STARD13: variants seen among roughly 807,000 people sequenced by gnomAD.
STARD13 encodes stAR-related lipid transfer protein 13.
A neutral mutation model predicts 106.4 loss-of-function variants in STARD13; 62 were observed. That is an observed-to-expected ratio of 0.58 (90% CI 0.48 to 0.72). STARD13 has a LOEUF of 0.72. Among genes scored for constraint, STARD13 ranks in the 30% least tolerant of loss-of-function variants. The pLI is 0.00. For synonymous variants in STARD13, 565 were observed against 553.0 expected, an observed-to-expected ratio of 1.02 and a Z score of -0.31; for missense variants, 1,387 against 1,424.0, an observed-to-expected ratio of 0.97 and a Z score of 0.42.
intron 1 of STARD13, among the ~76,000 whole-genome samples, chr13:33,332,673 C>T (rs2077850133): frequency 6.6e-6 from 1 of 152,220 alleles, no homozygotes; most frequent in Non-Finnish European, 1.5e-5. Context: ...GCCCACACCA[C>T]CTGAGACACC....
the STARD13 span, among the ~76,000 whole-genome samples, chr13:33,589,673 A>T: frequency 1.3e-5 from 2 of 152,294 alleles, no homozygotes; most frequent in East Asian, 1.9e-4. Flanking sequence ...CCAGTTTGTT[A>T]TAATTTCTGT....
intron 1 of STARD13, among the ~76,000 whole-genome samples, chr13:33,318,438 T>C (rs952667512): frequency 6.6e-6 from 1 of 152,122 alleles, no homozygotes; most frequent in African/African-American, 2.4e-5. Context: ...AAACTCAAAA[T>C]GAATCAAAGC....
At chr13:33,240,430 T>C (rs988124867) in intron 1 of STARD13, among the ~76,000 whole-genome samples, 19 of 152,228 alleles carry the variant, frequency 1.2e-4, no homozygotes, top group African/African-American at 4.6e-4. Flanking sequence ...AAAAATCCCA[T>C]TGGGATTTTG....
At chr13:33,515,598 A>G in the STARD13 span, among the ~76,000 whole-genome samples, 1 of 152,190 alleles carries the variant, frequency 6.6e-6, no homozygotes, top group Admixed American at 6.6e-5. Context: ...CTCAGAATAT[A>G]GAAGAGTCAG....
At chr13:33,607,587 C>T in the STARD13 span, among the ~76,000 whole-genome samples, 2,395 of 152,020 alleles carry the variant, frequency 0.016, 67 homozygotes, top group African/African-American at 0.053. Context: ...TGAGCCACCA[C>T]GCCTGGCCCA....
At chr13:33,583,606 C>T in the STARD13 span, among the ~76,000 whole-genome samples, 1 of 152,180 alleles carries the variant, frequency 6.6e-6, no homozygotes, top group Non-Finnish European at 1.5e-5. Flanking sequence ...CCTTGGTCCA[C>T]TTCCTTATTT....
intron 3 of STARD13, among the ~76,000 whole-genome samples, chr13:33,149,569 C>T (rs1027158608): frequency 2.6e-5 from 4 of 152,212 alleles, no homozygotes; most frequent in Non-Finnish European, 4.4e-5. Flanking sequence ...TTTCAAACAA[C>T]CATCCAAATC....
chr13:33,233,958 T>C (rs887172686), intron 1 of STARD13, among the ~76,000 whole-genome samples: 2 of 152,192 alleles, frequency 1.3e-5, no homozygotes, highest in Non-Finnish European at 2.9e-5. Context: ...ATAGGTGGGG[T>C]GCCCCTTCTA....
chr13:33,400,416 C>T, the STARD13 span, among the ~76,000 whole-genome samples: 4 of 151,602 alleles, frequency 2.6e-5, no homozygotes, highest in East Asian at 1.9e-4. Flanking sequence ...TTGCCTGTGG[C>T]GAATAACACT....
At chr13:33,439,762 T>G in the STARD13 span, 1 of 1,072,818 alleles carries the variant, frequency 9.3e-7, no homozygotes, top group Non-Finnish European at 1.2e-6. Context: ...ATCTCAAAAT[T>G]ATACCACTTT....
At chr13:33,117,622 G>A (rs1185811026) in intron 8 of STARD13, 2 of 979,090 alleles carry the variant, frequency 2.0e-6, no homozygotes, top group South Asian at 4.7e-5. Flanking sequence ...AAGATACTTT[G>A]TGCTAAAATA....
At chr13:33,400,821 A>G in the STARD13 span, among the ~76,000 whole-genome samples, 1 of 152,212 alleles carries the variant, frequency 6.6e-6, no homozygotes, top group African/African-American at 2.4e-5. Flanking sequence ...AAACTCATCA[A>G]GCTTTACACT....
chr13:33,267,328 G>A (rs1890945132), intron 1 of STARD13, among the ~76,000 whole-genome samples: 1 of 152,078 alleles, frequency 6.6e-6, no homozygotes, highest in Non-Finnish European at 1.5e-5. Flanking sequence ...AGACAGGCAT[G>A]GACACTTTCT....
chr13:33,675,971 G>A, the STARD13 span, among the ~76,000 whole-genome samples: 9 of 152,078 alleles, frequency 5.9e-5, no homozygotes, highest in African/African-American at 2.2e-4. Flanking sequence ...CAGGAAGATC[G>A]GATTTTGTTA....
At chr13:33,106,133 T>C (rs919539333) in intron 13 of STARD13, among the ~76,000 whole-genome samples, 20 of 152,154 alleles carry the variant, frequency 1.3e-4, no homozygotes, top group Non-Finnish European at 2.4e-4. Flanking sequence ...ATAAAAGAAA[T>C]ACATGGTCGA....
chr13:33,617,725 A>T, the STARD13 span, among the ~76,000 whole-genome samples: 2 of 152,174 alleles, frequency 1.3e-5, no homozygotes, highest in African/African-American at 4.8e-5. Context: ...GACCAGAAAG[A>T]TTTTTTGAGT....
the STARD13 span, among the ~76,000 whole-genome samples, chr13:33,410,985 G>C: frequency 5.7e-4 from 87 of 152,256 alleles, no homozygotes; most frequent in African/African-American, 1.9e-3. Flanking sequence ...AAATTTCCAT[G>C]CAAACTTTTA....
At chr13:33,114,768 G>A (rs751857533) in intron 8 of STARD13, among the ~76,000 whole-genome samples, 1 of 151,928 alleles carries the variant, frequency 6.6e-6, no homozygotes, top group Non-Finnish European at 1.5e-5. Context: ...TCTATATGTT[G>A]TCTCAGTTCC....
intron 1 of STARD13, among the ~76,000 whole-genome samples, chr13:33,173,399 AT>A (rs1398891139): frequency 6.6e-6 from 1 of 152,220 alleles, no homozygotes; most frequent in Non-Finnish European, 1.5e-5. Context: ...TGATGCAATC[AT>A]TAATATTACA....
Sources: allele counts gnomAD v4.1 joint callset (sites outside exome capture counted in the v4.1 genomes callset), GRCh38; gene constraint gnomAD v4.1.1; transcripts MANE v1.5; gene names NCBI Gene and HGNC (gene_info 2026-07-23, HGNC 2026-07-21).